The following ADAMTSL3 variants were observed in gnomAD, a reference collection of about 807,000 sequenced individuals.
The protein encoded by ADAMTSL3 is ADAMTS like 3, also known as ADAMTS-like protein 3.
A neutral mutation model predicts 201.7 loss-of-function variants in ADAMTSL3; 128 were observed. The ratio of observed to expected loss-of-function variants is 0.63; its 90% CI spans 0.55 to 0.73. The LOEUF (loss-of-function observed/expected upper bound fraction) is 0.73, where lower values mean the gene tolerates loss of function less well. ADAMTSL3 is among the 30% of genes least tolerant of loss of function. The pLI is 0.00. For missense variants in ADAMTSL3, 1,990 were observed against 2,119.6 expected (o/e 0.94, Z 1.20); for synonymous variants, 738 against 748.4 (o/e 0.99, Z 0.23).
intron 2 of ADAMTSL3, among the ~76,000 whole-genome samples, chr15:83,692,902 C>T (rs915873123): frequency 2.0e-5 from 3 of 152,050 alleles, no homozygotes; most frequent in African/African-American, 4.8e-5. Flanking sequence ...TGAAAGCCTG[C>T]ATGATTTCAG....
intron 2 of ADAMTSL3, among the ~76,000 whole-genome samples, chr15:83,678,245 C>T (rs1169943494): frequency 2.0e-5 from 3 of 152,026 alleles, no homozygotes; most frequent in Non-Finnish European, 2.9e-5. Flanking sequence ...GTTGTTTCTT[C>T]CTTCCAAGAG....
chr15:83,788,563 G>A (rs74874709), intron 4 of ADAMTSL3, among the ~76,000 whole-genome samples: 2,311 of 152,266 alleles, frequency 0.015, 70 homozygotes, highest in African/African-American at 0.053. Flanking sequence ...ATCAAGTAAT[G>A]TTACTGAGAA....
intron 8 of ADAMTSL3, chr15:83,861,888 A>G (rs1480324611): frequency 1.3e-5 from 2 of 152,208 alleles, no homozygotes; most frequent in Non-Finnish European, 2.9e-5. Flanking sequence ...AATTAGACGA[A>G]TGGCTAACTA....
At chr15:83,823,958 CT>C (rs1567169880) in intron 6 of ADAMTSL3, among the ~76,000 whole-genome samples, 916 of 89,036 alleles carry the variant, frequency 0.01, 36 homozygotes, top group African/African-American at 0.011. Context: ...TCTTCTTCTT[CT>C]TCTTCTTCTT....
chr15:83,708,363 A>G (rs2061882217), intron 3 of ADAMTSL3, among the ~76,000 whole-genome samples: 1 of 152,188 alleles, frequency 6.6e-6, no homozygotes, highest in Non-Finnish European at 1.5e-5. Flanking sequence ...TTTCATGAAG[A>G]CCTTCAGGTC....
rs1471425598 is a variant in ADAMTSL3, at chr15:83,874,055, C to A, written c.960+3096C>A. On this transcript the variant is annotated intron_variant, in intron 9 of 29. Coordinates refer to ENST00000286744, the MANE Select transcript of ADAMTSL3 (RefSeq NM_207517.3). The stretch of plus-strand genomic sequence containing the variant: ...CATCTTCTATAACATGGAGAGGATG[C>A]TCCTTTCTCCAGTAAGGCTGCACCT... 4.1e-5 allele frequency among the ~76,000 whole-genome samples: 6 copies of A among 145,256 alleles called. 2 individuals carry two copies. Among genetic ancestry groups the A allele is most frequent in the African/African-American group, 7.9e-5 (3 of 38,000 alleles).
At chr15:83,773,498 T>G in intron 3 of ADAMTSL3, 25 bp from the exon 4 acceptor site, 2 of 1,609,282 alleles carry the variant, frequency 1.2e-6, no homozygotes. Flanking sequence ...GTTTTTTTTT[T>G]GTTTGTTTGC....
chr15:83,970,750 A>G lies in ADAMTSL3; in HGVS notation c.2644+113A>G. The G allele has an allele frequency of 2.2e-6, 3 of 1,342,048 alleles. No individual in the cohort carries two copies. In the Admixed American group the frequency reaches 5.9e-5, roughly 26 times the overall value. The allele number at this position is 1,342,048 out of a possible 1,614,324, so 83.1% of individuals were successfully genotyped here. On this transcript the variant is annotated intron_variant, in intron 20 of 29. Transcript: ENST00000286744. ...TTCTAATCTGTGGGTAAGGCAACTC[A>G]AGCTGTACTCAGTGTTGTTTTCGGC...
intron 12 of ADAMTSL3, 54 bp from the exon 13 acceptor site, chr15:83,892,630 A>G (rs2065531023): frequency 7.8e-6 from 12 of 1,541,998 alleles, no homozygotes; most frequent in Non-Finnish European, 9.6e-6. Context: ...CCATCTTTGC[A>G]AACTTCAAAC....
At chr15:83,917,235 C>G (rs1287663117) in intron 16 of ADAMTSL3, among the ~76,000 whole-genome samples, 4 of 152,196 alleles carry the variant, frequency 2.6e-5, no homozygotes, top group Non-Finnish European at 5.9e-5. Flanking sequence ...ATTCTGTATA[C>G]TTATATTTTC....
intron 2 of ADAMTSL3, among the ~76,000 whole-genome samples, chr15:83,687,973 A>G (rs1044096374): frequency 2.0e-5 from 3 of 152,224 alleles, no homozygotes; most frequent in African/African-American, 7.2e-5. Context: ...AGGAAATACC[A>G]TCTAACACAG....
rs1253872455 is a variant in ADAMTSL3, at chr15:83,923,974, T to C, written c.2058T>C (p.Asp686=). The C allele has an allele frequency of 1.9e-6, 3 of 1,614,168 alleles. No individual in the cohort carries two copies. The highest frequency in any genetic ancestry group is 2.5e-6 in the Non-Finnish European group (3 of 1,180,008). ...TQQTVNDSLC[D]MVHRPPAMSQ... ...AGACAGTCAATGACAGCTTGTGTGA[T>C]ATGGTCCACCGTCCTCCAGCCATGA... is the stretch of plus-strand genomic sequence containing the variant. Residue 686 remains aspartate (D), a synonymous_variant, in exon 17 of 30, where the codon GAT becomes GAC. Transcript: ENST00000286744.
intron 12 of ADAMTSL3, 107 bp from the exon 13 acceptor site, chr15:83,892,577 C>A: frequency 9.2e-7 from 1 of 1,088,634 alleles, no homozygotes; most frequent in Non-Finnish European, 1.3e-6. Context: ...CAGGCTCATT[C>A]AGCTGAACCA....
At chr15:83,680,042 G>T (rs1178247167) in intron 2 of ADAMTSL3, among the ~76,000 whole-genome samples, 2 of 152,188 alleles carry the variant, frequency 1.3e-5, no homozygotes, top group African/African-American at 2.4e-5. Flanking sequence ...TTGCAGGGCA[G>T]GAGTTGGGGA....
rs562908653 is a variant in ADAMTSL3, at chr15:83,654,701, G to T, written c.-34+425G>T. 6.6e-6 allele frequency among the ~76,000 whole-genome samples: 1 copy of T among 152,242 alleles called. No individual in the cohort carries two copies. The highest frequency in any genetic ancestry group is 1.9e-4 in the East Asian group (1 of 5,150). On this transcript the variant is annotated intron_variant, in intron 1 of 29. Transcript: ENST00000286744. This position sits in a 1 kb window ranked among gnomAD's most constrained non-coding sequence, Gnocchi z 5.3. Reference sequence around the variant, plus strand: ...CGCGATCGTGGAAAGTGGGCGTGGGGGTGACCGGGACGCGGCGGAGGCACT... The same window carrying T: ...CGCGATCGTGGAAAGTGGGCGTGGGTGTGACCGGGACGCGGCGGAGGCACT...
At chr15:83,686,505 G>A (rs2061537932) in intron 2 of ADAMTSL3, among the ~76,000 whole-genome samples, 1 of 152,176 alleles carries the variant, frequency 6.6e-6, no homozygotes, top group Non-Finnish European at 1.5e-5. Context: ...GGAATCAAAT[G>A]ATTTAGTTGT....
At chr15:83,738,713 G>A (rs1015813175) in intron 3 of ADAMTSL3, among the ~76,000 whole-genome samples, 15 of 151,616 alleles carry the variant, frequency 9.9e-5, no homozygotes, top group African/African-American at 3.6e-4. Flanking sequence ...GGCCAACATG[G>A]TGAAACCCTA....
At chr15:83,891,451 AG>A in intron 12 of ADAMTSL3, 72 bp downstream of exon 12, 1 of 1,276,926 alleles carries the variant, frequency 7.8e-7, no homozygotes, top group Non-Finnish European at 1.1e-6. Context: ...CTGTAGCAAT[AG>A]CCTAAAATGT....
At chr15:83,671,554 ATGT>A (rs1166071672) in intron 2 of ADAMTSL3, among the ~76,000 whole-genome samples, 4 of 152,138 alleles carry the variant, frequency 2.6e-5, no homozygotes, top group East Asian at 1.9e-4. Flanking sequence ...ATTTTTTGAA[ATGT>A]TGTAAGGTGC....
Sources: allele counts gnomAD v4.1 joint callset (sites outside exome capture counted in the v4.1 genomes callset), GRCh38; gene constraint gnomAD v4.1.1; non-coding constraint Gnocchi (gnomAD v3.1); transcripts MANE v1.5; gene names NCBI Gene and HGNC (gene_info 2026-07-23, HGNC 2026-07-21).